DMXL1: variants seen among roughly 807,000 people sequenced by gnomAD.
DMXL1 encodes the protein Dmx like 1.
DMXL1 carries 99 observed loss-of-function variants against 319.2 expected under a neutral mutation model. The observed-to-expected ratio is 0.31, with a 90% CI of 0.26 to 0.37. The LOEUF is 0.37. Ranked by LOEUF, DMXL1 falls within the 10% of genes least tolerant of loss-of-function variation. DMXL1 has a pLI of 1.00. For missense variants in DMXL1, 3,745 were observed against 3,595.6 expected, an observed-to-expected ratio of 1.04 and a Z score of -1.06; for synonymous variants, 1,385 against 1,235.2, an observed-to-expected ratio of 1.12 and a Z score of -2.54.
intron 19 of DMXL1, among the ~76,000 whole-genome samples, chr5:119,159,298 T>C (rs1160172157): frequency 2.0e-5 from 3 of 152,204 alleles, no homozygotes; most frequent in Non-Finnish European, 4.4e-5. Flanking sequence ...AGTTTCACCA[T>C]GTTGGCAAGG....
chr5:119,176,877 T>A (rs1335849547), intron 26 of DMXL1, among the ~76,000 whole-genome samples: 2 of 152,088 alleles, frequency 1.3e-5, no homozygotes, highest in East Asian at 3.9e-4. Context: ...GATAGCGTCA[T>A]ATGCATAGGT....
chr5:119,149,671 C>G lies in DMXL1; in HGVS notation c.3844C>G (p.Leu1282Val). The change falls in exon 18 of 44, where the codon CTG (leucine) becomes GTG (valine). Residue 1282 changes from leucine (L) to valine (V), a missense_variant. Physicochemically the swap from Leu to Val is conservative, Grantham distance 32. Transcript: ENST00000539542. ...TGGGTTACATCCTCCAAAGAAAACTCTGACTCGATCCATGACCAGTCTTGC... is the reference window on the plus strand; with the variant it reads ...TGGGTTACATCCTCCAAAGAAAACTGTGACTCGATCCATGACCAGTCTTGC... ...SSGLHPPKKT[L>V]TRSMTSLAQK... 1 of 1,613,988 alleles carries G rather than the reference C, an allele frequency of 6.2e-7. No homozygotes were observed.
intron 13 of DMXL1, among the ~76,000 whole-genome samples, chr5:119,134,676 T>A (rs1037129453): frequency 2.6e-5 from 4 of 152,188 alleles, no homozygotes; most frequent in Admixed American, 2.0e-4. Context: ...AATGTAGAAG[T>A]TATATCGGCC....
At chr5:119,127,613 ATT>A in intron 9 of DMXL1, 1 of 164,008 alleles carries the variant, frequency 6.1e-6, no homozygotes, top group Non-Finnish European at 1.3e-5. Flanking sequence ...TAATTTTTGT[ATT>A]TTTAGTAGAG....
chr5:119,164,814 T>C, intron 20 of DMXL1, 138 bp downstream of exon 20: 1 of 675,904 alleles, frequency 1.5e-6, no homozygotes, highest in Non-Finnish European at 2.3e-6. Flanking sequence ...TTACATTTCA[T>C]TTATAACGTG....
rs773517290 is a variant in DMXL1, at chr5:119,134,059, C to G, written c.2135C>G (p.Pro712Arg). The stretch of plus-strand genomic sequence containing the variant: ...GAGCTTATTCTGTGGAGGGTTGACC[C>G]AGTTGGGCCATTGTCTTTTTCTGGA... ...YSELILWRVDPVGPLSFSGGV... is the reference protein window; with the variant it reads ...YSELILWRVDRVGPLSFSGGV... Residue 712 changes from proline (P) to arginine (R), a missense_variant, in exon 12 of 44, where the codon CCA becomes CGA. This residue lies in a region of DMXL1 where 2,096 missense variants were observed against 1,985.4 expected (regional missense o/e 1.06). Coordinates refer to ENST00000539542, the MANE Select transcript of DMXL1 (RefSeq NM_001290321.3). The G allele has an allele frequency of 6.2e-7, 1 of 1,614,164 alleles. No individual in the cohort carries two copies. Among genetic ancestry groups the G allele is most frequent in the Admixed American group, 1.7e-5 (1 of 60,012 alleles).
At chr5:119,094,776 T>C (rs1374298326) in intron 1 of DMXL1, among the ~76,000 whole-genome samples, 1 of 152,080 alleles carries the variant, frequency 6.6e-6, no homozygotes, top group Non-Finnish European at 1.5e-5. Flanking sequence ...ATGGAAGAAG[T>C]TGATTTCATC....
At position 119,163,711 on chromosome 5, in the gene DMXL1, A is replaced by G. The variant is rs903114061; in HGVS notation, c.4703-796A>G. 5.1e-4 allele frequency among the ~76,000 whole-genome samples: 77 copies of G among 152,110 alleles called. 2 individuals carry two copies. Among genetic ancestry groups the G allele is most frequent in the Admixed American group, 6.6e-5 (1 of 15,260 alleles). On this transcript the variant is annotated intron_variant, in intron 19 of 43. Coordinates refer to ENST00000539542, the MANE Select transcript of DMXL1 (RefSeq NM_001290321.3). ...TCACGCCATTCTCCTGCGTCAGCCT[A>G]TCGAGTAGCTGGGACTACCATGCCC...
chr5:119,157,290 AATTGT>A, intron 19 of DMXL1, among the ~76,000 whole-genome samples: 1 of 152,146 alleles, frequency 6.6e-6, no homozygotes. Flanking sequence ...TCACTCTGCT[AATTGT>A]ATTCTTTGCT....
In DMXL1 at chr5:119,170,517, C is replaced by T. The variant is rs765576657; in HGVS notation, c.5726C>T (p.Pro1909Leu). The change falls in exon 24 of 44, where the codon CCA (proline) becomes CTA (leucine). Residue 1909 changes from proline to leucine, a missense_variant. Physicochemically the swap from Pro to Leu is moderately conservative, Grantham distance 98. This residue lies in a region of DMXL1 where 1,382 missense variants were observed against 1,269.5 expected (regional missense o/e 1.09). Coordinates refer to ENST00000539542, the MANE Select transcript of DMXL1 (RefSeq NM_001290321.3). ...DTSKDCSPSS[P>L]LKLDAREDKS... ...AGTAAAGACTGTTCTCCTTCTTCTC[C>T]ATTAAAGTTGGATGCAAGGGAAGAT... The T allele has an allele frequency of 4.3e-6, 7 of 1,613,576 alleles. No homozygotes were observed. In the Admixed American group the frequency reaches 8.3e-5, roughly 19 times the overall value.
chr5:119,214,207 A>AC (rs1783281714), intron 34 of DMXL1, among the ~76,000 whole-genome samples: 1 of 152,032 alleles, frequency 6.6e-6, no homozygotes, highest in Non-Finnish European at 1.5e-5. Context: ...ACCTTTACTC[A>AC]CCCACCTATC....
At chr5:119,233,563 A>G in intron 39 of DMXL1, 96 bp downstream of exon 39, 1 of 930,918 alleles carries the variant, frequency 1.1e-6, no homozygotes, top group Non-Finnish European at 1.6e-6. Context: ...CTCCGTGGGT[A>G]GTAGTAAAGT....
intron 25 of DMXL1, among the ~76,000 whole-genome samples, chr5:119,174,010 C>A (rs752800172): frequency 2.6e-4 from 40 of 151,404 alleles, no homozygotes; most frequent in Non-Finnish European, 3.2e-4. Flanking sequence ...TGTTTTAGTT[C>A]AAGTCTGAAG....
chr5:119,209,574 C>A (rs1782378109), intron 34 of DMXL1, among the ~76,000 whole-genome samples: 1 of 152,112 alleles, frequency 6.6e-6, no homozygotes, highest in African/African-American at 2.4e-5. Context: ...TCTCAAACTT[C>A]TGGGCTCAAG....
chr5:119,125,840 A>G (rs549736688), intron 9 of DMXL1, among the ~76,000 whole-genome samples: 163 of 152,330 alleles, frequency 1.1e-3, no homozygotes, highest in Non-Finnish European at 2.1e-3. Context: ...TTGGGAATAC[A>G]GGCGTGAGCC....
At chr5:119,131,439 C>A (rs1764874375) in intron 10 of DMXL1, among the ~76,000 whole-genome samples, 1 of 152,064 alleles carries the variant, frequency 6.6e-6, no homozygotes, top group Non-Finnish European at 1.5e-5. Flanking sequence ...TTTAAGATGC[C>A]ATACCAGTTA....
chr5:119,239,133 T>C, intron 41 of DMXL1, 53 bp downstream of exon 41: 1 of 1,581,392 alleles, frequency 6.3e-7, no homozygotes, highest in Non-Finnish European at 8.6e-7. Context: ...TGAACTTTTT[T>C]TTATTGTTTC....
Position 119,133,125 on chromosome 5 carries a change from C to T in DMXL1, c.1316-7C>T. On this transcript the variant is annotated splice_polypyrimidine_tract_variant and splice_region_variant and intron_variant, in intron 10 of 43. Transcript: ENST00000539542. ...TTTACTTGGTTCATGAACTCTTTTGCTTATAGAAACTGATGATGGTGTTGA... is the reference window on the plus strand; with the variant it reads ...TTTACTTGGTTCATGAACTCTTTTGTTTATAGAAACTGATGATGGTGTTGA... 1 of 1,613,336 alleles carries T rather than the reference C, an allele frequency of 6.2e-7. No homozygotes were observed. Among genetic ancestry groups the T allele is most frequent in the Non-Finnish European group, 8.5e-7 (1 of 1,179,572 alleles).
intron 28 of DMXL1, chr5:119,178,534 G>A (rs1487824848): frequency 1.2e-6 from 1 of 854,382 alleles, no homozygotes; most frequent in African/African-American, 1.8e-5. Context: ...ATTGGTTTTT[G>A]TTCTATCCCA....
Sources: allele counts gnomAD v4.1 joint callset (sites outside exome capture counted in the v4.1 genomes callset), GRCh38; gene constraint gnomAD v4.1.1; regional missense constraint gnomAD v4.1.1; transcripts MANE v1.5; gene names NCBI Gene and HGNC (gene_info 2026-07-23, HGNC 2026-07-21).